AGAP1: variants seen among roughly 807,000 people sequenced by gnomAD.
AGAP1 encodes ArfGAP with GTPase domain, ankyrin repeat and PH domain 1.
A neutral mutation model predicts 105.3 loss-of-function variants in AGAP1; 29 were observed. The observed-to-expected ratio is 0.28, with a 90% CI of 0.21 to 0.38. The LOEUF is 0.38. AGAP1 is among the 10% of genes least tolerant of loss of function. The probability of loss-of-function intolerance (pLI) is 1.00; values close to 1 mark genes in which losing one functional copy is unlikely to be tolerated. For missense variants in AGAP1, 998 were observed against 1,165.1 expected, an observed-to-expected ratio of 0.86 and a Z score of 2.09; for synonymous variants, 509 against 485.9, an observed-to-expected ratio of 1.05 and a Z score of -0.63.
chr2:236,080,234 A>G lies in AGAP1; in HGVS notation c.2114+30953A>G, dbSNP rs777518440. 2.2e-4 allele frequency among the ~76,000 whole-genome samples: 33 copies of G among 152,348 alleles called. No individual in the cohort carries two copies. Among genetic ancestry groups the G allele is most frequent in the Non-Finnish European group, 3.8e-4 (26 of 68,026 alleles). On this transcript the variant is annotated intron_variant, in intron 16 of 17. Transcript: ENST00000304032. This position sits in a 1 kb window ranked among gnomAD's most constrained non-coding sequence, Gnocchi z 4.2. Reference sequence around the variant, plus strand: ...ATGTTCTTGGAAAGATAGTTGGGAAAAAAGGCAGGCAGAGCCTCTGCTGGA... The same window carrying G: ...ATGTTCTTGGAAAGATAGTTGGGAAGAAAGGCAGGCAGAGCCTCTGCTGGA...
At chr2:235,884,299 G>C (rs1345880242) in intron 10 of AGAP1, among the ~76,000 whole-genome samples, 1 of 152,064 alleles carries the variant, frequency 6.6e-6, no homozygotes, top group Non-Finnish European at 1.5e-5. Context: ...CATAGTATCT[G>C]CATATAACCT....
chr2:235,995,114 A>G (rs1278489367), intron 13 of AGAP1, among the ~76,000 whole-genome samples: 1 of 147,598 alleles, frequency 6.8e-6, no homozygotes, highest in African/African-American at 2.5e-5. Flanking sequence ...ATACAACAGT[A>G]TCTTATTCTG....
chr2:235,880,043 A>G (rs902844131), intron 9 of AGAP1, among the ~76,000 whole-genome samples: 2 of 151,234 alleles, frequency 1.3e-5, no homozygotes, highest in Non-Finnish European at 2.9e-5. Context: ...CCAAGAGTTC[A>G]AGGCCACAAG....
At chr2:236,110,049 G>A (rs1271505028) in intron 16 of AGAP1, among the ~76,000 whole-genome samples, 6 of 152,208 alleles carry the variant, frequency 3.9e-5, no homozygotes, top group African/African-American at 1.4e-4. Context: ...TGAGCAAGAG[G>A]TCAGACAGTG....
intron 1 of AGAP1, among the ~76,000 whole-genome samples, chr2:235,594,289 GT>G (rs71400775): frequency 0.23 from 33,707 of 148,368 alleles, 4,650 homozygotes; most frequent in Non-Finnish European, 0.32. Flanking sequence ...GCATTCTGGG[GT>G]TTTTTTTTTT....
intron 10 of AGAP1, among the ~76,000 whole-genome samples, chr2:235,884,099 G>GT (rs929061511): frequency 8.5e-5 from 13 of 152,208 alleles, no homozygotes; most frequent in African/African-American, 3.1e-4. Context: ...AAAATTTAAA[G>GT]TTGGGGTGTT....
intron 1 of AGAP1, among the ~76,000 whole-genome samples, chr2:235,624,439 GATGTCCTTCAGTGGTTGGA>G (rs1401260446): frequency 6.6e-6 from 1 of 152,194 alleles, no homozygotes; most frequent in East Asian, 1.9e-4. Flanking sequence ...GCCTGCTGAA[GATGTCCTTCAGTGGTTGGA>G]ATGGAAAAAC....
rs1233169422 is a variant in AGAP1, at chr2:235,882,588, C to A, written c.1051-757C>A. ...AAGCAATTCCCCTGCTCAGCCTCCC[C>A]GAGTAGCTGGGATTATAGGTGCCCA... On this transcript the variant is annotated intron_variant, in intron 9 of 17. Coordinates refer to ENST00000304032, the MANE Select transcript of AGAP1 (RefSeq NM_001037131.3). The surrounding 1 kb of genome is among the most constrained non-coding windows in gnomAD (Gnocchi z 4.6). 7.8e-6 allele frequency: 4 copies of A among 515,522 alleles called. No individual in the cohort carries two copies. The highest frequency in any genetic ancestry group is 1.4e-5 in the Non-Finnish European group (4 of 290,210). The allele number at this position is 515,522 out of a possible 1,614,324, so 31.9% of individuals were successfully genotyped here. A position where few individuals can be genotyped will look rare whatever the true frequency, so the allele number is the denominator to read the frequency against.
chr2:235,837,502 A>G (rs960334991), intron 9 of AGAP1, among the ~76,000 whole-genome samples: 1 of 152,164 alleles, frequency 6.6e-6, no homozygotes, highest in Non-Finnish European at 1.5e-5. Context: ...AGGAGACCCT[A>G]CTTGCCAGCT....
At chr2:236,115,010 C>G (rs2059735784) in intron 16 of AGAP1, among the ~76,000 whole-genome samples, 1 of 152,224 alleles carries the variant, frequency 6.6e-6, no homozygotes, top group African/African-American at 2.4e-5. Context: ...GGCAAGACCT[C>G]TGGCCAAGAG....
rs1236469963 is a variant in AGAP1 at position 235,994,901 on chromosome 2, C to G, written c.1645+26278C>G. ...ACAAAATAGTGAAACCCCATCTGTA[C>G]TAAAAATACAAAAACATTAGCCAAG... On this transcript the variant is annotated intron_variant, in intron 13 of 17. Coordinates refer to ENST00000304032, the MANE Select transcript of AGAP1 (RefSeq NM_001037131.3). This position sits in a 1 kb window ranked among gnomAD's most constrained non-coding sequence, Gnocchi z 4.4. 6.7e-6 allele frequency among the ~76,000 whole-genome samples: 1 copy of G among 150,214 alleles called. No homozygotes were observed. The highest frequency in any genetic ancestry group is 1.5e-5 in the Non-Finnish European group (1 of 67,530).
At position 235,973,822 on chromosome 2, in the gene AGAP1, C is replaced by T. The variant is rs551756622; in HGVS notation, c.1645+5199C>T. 6.6e-6 allele frequency among the ~76,000 whole-genome samples: 1 copy of T among 152,258 alleles called. No homozygotes were observed. Among genetic ancestry groups the T allele is most frequent in the South Asian group, 2.1e-4 (1 of 4,818 alleles). On this transcript the variant is annotated intron_variant, in intron 13 of 17. Coordinates refer to ENST00000304032, the MANE Select transcript of AGAP1 (RefSeq NM_001037131.3). This position sits in a 1 kb window ranked among gnomAD's most constrained non-coding sequence, Gnocchi z 4.7. ...ATGGGTTGGACCAGGGCAGAGGAAC[C>T]TGGGCTCTAGAAGGTGATTGCACCA...
At chr2:235,616,515 T>C (rs1946312589) in intron 1 of AGAP1, among the ~76,000 whole-genome samples, 1 of 152,212 alleles carries the variant, frequency 6.6e-6, no homozygotes, top group Admixed American at 6.5e-5. Flanking sequence ...GAGAAATTTG[T>C]CAAACAGTAA....
Position 235,690,487 on chromosome 2 carries a change from A to T in AGAP1, c.164-18692A>T, listed in dbSNP as rs1400045818. On this transcript the variant is annotated intron_variant, in intron 1 of 17. Transcript: ENST00000304032. The surrounding 1 kb of genome is among the most constrained non-coding windows in gnomAD (Gnocchi z 4.1). Reference sequence around the variant, plus strand: ...TAGTTTAAAATAAAGGTGATAGCCAAGGAGGAAAGCATGGTTTATTCCTAG... The same window carrying T: ...TAGTTTAAAATAAAGGTGATAGCCATGGAGGAAAGCATGGTTTATTCCTAG... 6.6e-6 allele frequency among the ~76,000 whole-genome samples: 1 copy of T among 152,236 alleles called. No homozygotes were observed. The highest frequency in any genetic ancestry group is 2.4e-5 in the African/African-American group (1 of 41,470).
chr2:235,616,648 A>T (rs960033282), intron 1 of AGAP1, among the ~76,000 whole-genome samples: 2 of 152,196 alleles, frequency 1.3e-5, no homozygotes, highest in Non-Finnish European at 1.5e-5. Context: ...AAAACTTCAT[A>T]GGTTTCTGGC....
In AGAP1 at chr2:235,874,577, G is replaced by A. The variant is rs1045918348; in HGVS notation, c.1051-8768G>A. 2.3e-4 allele frequency among the ~76,000 whole-genome samples: 35 copies of A among 152,192 alleles called. No individual in the cohort carries two copies. Among genetic ancestry groups the A allele is most frequent in the Admixed American group, 6.5e-4 (10 of 15,284 alleles). ...AGAGGCTCGGCTGCTAACAGCAGAC[G>A]GGTTTGGGTGGGACTGGAGTGAGCT... On this transcript the variant is annotated intron_variant, in intron 9 of 17. Coordinates refer to ENST00000304032, the MANE Select transcript of AGAP1 (RefSeq NM_001037131.3). The surrounding 1 kb of genome is among the most constrained non-coding windows in gnomAD (Gnocchi z 4.5).
At chr2:236,004,902 C>A (rs777011138) in intron 13 of AGAP1, among the ~76,000 whole-genome samples, 14 of 152,192 alleles carry the variant, frequency 9.2e-5, no homozygotes, top group Non-Finnish European at 1.8e-4. Context: ...TCAAATACTT[C>A]TAGCCTTTAA....
At chr2:235,541,542 C>T (rs1055150094) in intron 1 of AGAP1, among the ~76,000 whole-genome samples, 2 of 152,038 alleles carry the variant, frequency 1.3e-5, no homozygotes, top group Non-Finnish European at 1.5e-5. Context: ...CGCCCGCCAC[C>T]GTGCCCGGCT....
rs919203454 is a variant in AGAP1 at position 235,732,086 on chromosome 2, C to T, written c.311-8877C>T. On this transcript the variant is annotated intron_variant, in intron 3 of 17. Coordinates refer to ENST00000304032, the MANE Select transcript of AGAP1 (RefSeq NM_001037131.3). This position sits in a 1 kb window ranked among gnomAD's most constrained non-coding sequence, Gnocchi z 4.8. ...TGTGTCACATTTTCCTGGTGTATCG[C>T]GTGCACTTTTGATCTGCGGATTCAG... Among the ~76,000 whole-genome samples, 23 of 152,286 alleles carry T rather than the reference C, an allele frequency of 1.5e-4. No individual in the cohort carries two copies. The highest frequency in any genetic ancestry group is 4.6e-4 in the African/African-American group (19 of 41,560).
Sources: allele counts gnomAD v4.1 joint callset (sites outside exome capture counted in the v4.1 genomes callset), GRCh38; gene constraint gnomAD v4.1.1; non-coding constraint Gnocchi (gnomAD v3.1); transcripts MANE v1.5; gene names NCBI Gene and HGNC (gene_info 2026-07-23, HGNC 2026-07-21).